Variants in ATAD1 observed in about 807,000 individuals in gnomAD.
The protein encoded by ATAD1 is outer mitochondrial transmembrane helix translocase.
Under a neutral mutation model 42.7 loss-of-function variants are expected in ATAD1, and 18 were observed. The ratio of observed to expected loss-of-function variants is 0.42; its 90% CI spans 0.29 to 0.63. The LOEUF is 0.63. ATAD1 is among the 20% of genes least tolerant of loss of function. The probability of loss-of-function intolerance (pLI) is 0.19; values close to 1 mark genes in which losing one functional copy is unlikely to be tolerated. For missense variants in ATAD1, 294 were observed against 440.4 expected, an observed-to-expected ratio of 0.67 and a Z score of 2.98; for synonymous variants, 132 against 143.1, an observed-to-expected ratio of 0.92 and a Z score of 0.55.
intron 2 of ATAD1, among the ~76,000 whole-genome samples, chr10:87,810,494 A>C (rs1381657164): frequency 6.6e-6 from 1 of 152,086 alleles, no homozygotes; most frequent in Non-Finnish European, 1.5e-5. Flanking sequence ...CTGTAGTTAT[A>C]TCATATTTTT....
chr10:87,772,033 C>T (rs1011028933), intron 6 of ATAD1, among the ~76,000 whole-genome samples: 1 of 152,116 alleles, frequency 6.6e-6, no homozygotes, highest in Non-Finnish European at 1.5e-5. Flanking sequence ...TCAGGAGCCT[C>T]AGAGCCCAAT....
At chr10:87,780,011 A>G (rs1855492466) in intron 5 of ATAD1, among the ~76,000 whole-genome samples, 1 of 152,214 alleles carries the variant, frequency 6.6e-6, no homozygotes, top group Non-Finnish European at 1.5e-5. Context: ...GTCCACAGGA[A>G]AACCTACACA....
intron 8 of ATAD1, among the ~76,000 whole-genome samples, chr10:87,765,934 A>G (rs946293045): frequency 2.0e-5 from 3 of 151,936 alleles, no homozygotes; most frequent in Non-Finnish European, 4.4e-5. Flanking sequence ...TCTGCTTGGG[A>G]GGGTGAGGCG....
Position 87,751,883 on chromosome 10 carries a change from A to G in ATAD1, c.*2804T>C, listed in dbSNP as rs1336655730. On this transcript the variant is annotated 3_prime_UTR_variant, in exon 10 of 10. Coordinates refer to ENST00000680024, the MANE Select transcript of ATAD1 (RefSeq NM_001321967.2). ...CATCCAATTTATTTTCTTTATCCAGAAGAAATCTGTTAACATTTTCCCAAA... is the reference window on the plus strand; with the variant it reads ...CATCCAATTTATTTTCTTTATCCAGGAGAAATCTGTTAACATTTTCCCAAA... 1.3e-5 allele frequency: 2 copies of G among 152,210 alleles called. No homozygotes were observed. The highest frequency in any genetic ancestry group is 2.4e-5 in the African/African-American group (1 of 41,452). The allele number at this position is 152,210 out of a possible 1,614,324, so 9.4% of individuals were successfully genotyped here. A position where few individuals can be genotyped will look rare whatever the true frequency, so the allele number is the denominator to read the frequency against.
At chr10:87,829,431 A>G (rs1446475259) in intron 1 of ATAD1, among the ~76,000 whole-genome samples, 1 of 151,468 alleles carries the variant, frequency 6.6e-6, no homozygotes, top group Non-Finnish European at 1.5e-5. Flanking sequence ...AATTTTTTGT[A>G]TTTTAGTAGA....
chr10:87,752,674 CAGA>C lies in ATAD1; in HGVS notation c.*2010_*2012del, dbSNP rs1317945915. ...CTATATGTGAAATGCATGTCTAAAA[CAGA>C]AGGATAGATGTTACATAACACTAAA... On this transcript the variant is annotated 3_prime_UTR_variant, in exon 10 of 10. Coordinates refer to ENST00000680024, the MANE Select transcript of ATAD1 (RefSeq NM_001321967.2). The C allele has an allele frequency of 6.6e-6, 1 of 152,064 alleles. No individual in the cohort carries two copies. Among genetic ancestry groups the C allele is most frequent in the Admixed American group, 6.6e-5 (1 of 15,256 alleles). The allele number at this position is 152,064 out of a possible 1,614,324, so 9.4% of individuals were successfully genotyped here. A position where few individuals can be genotyped will look rare whatever the true frequency, so the allele number is the denominator to read the frequency against.
At chr10:87,789,629 G>C (rs553497279) in intron 4 of ATAD1, among the ~76,000 whole-genome samples, 1 of 152,250 alleles carries the variant, frequency 6.6e-6, no homozygotes, top group Admixed American at 6.5e-5. Flanking sequence ...GGCTCAGGTG[G>C]GAGGATCACT....
At chr10:87,840,625 T>C (rs1858015173) in intron 1 of ATAD1, among the ~76,000 whole-genome samples, 1 of 152,246 alleles carries the variant, frequency 6.6e-6, no homozygotes, top group Non-Finnish European at 1.5e-5. Context: ...TATATTACTA[T>C]GTTTGATTTG....
In ATAD1 at chr10:87,814,500, T is replaced by G; in HGVS notation, c.100A>C (p.Ile34Leu). ...TCAATTGCATCTACCATCCATTTGA[T>G]AGTAAAGTATGTCACTGCACCAAAT... The part of the protein sequence containing the change: ...TIFGAVTYFT[I>L]KWMVDAIDPT... The change falls in exon 2 of 10, where the codon ATC becomes CTC. Residue 34 changes from isoleucine (I) to leucine (L), a missense_variant. Around this residue, in one of 3 missense-constraint regions of ATAD1, gnomAD observed 121 missense variants for 187.3 expected, o/e 0.65. Coordinates refer to ENST00000680024, the MANE Select transcript of ATAD1 (RefSeq NM_001321967.2). 3 of 1,609,962 alleles carry G rather than the reference T, an allele frequency of 1.9e-6. No individual in the cohort carries two copies. The highest frequency in any genetic ancestry group is 2.5e-6 in the Non-Finnish European group (3 of 1,178,094).
chr10:87,817,531 A>C (rs984722940), intron 1 of ATAD1, among the ~76,000 whole-genome samples: 6 of 152,242 alleles, frequency 3.9e-5, no homozygotes, highest in Admixed American at 1.3e-4. Flanking sequence ...TGACATGTAT[A>C]GCATTCATAG....
intron 8 of ATAD1, among the ~76,000 whole-genome samples, chr10:87,764,059 T>G (rs112593432): frequency 0.016 from 2,415 of 152,122 alleles, 29 homozygotes; most frequent in Middle Eastern, 0.027. Flanking sequence ...AAAACAGTAT[T>G]AATCCTAGTG....
intron 3 of ATAD1, 130 bp from the exon 4 acceptor site, chr10:87,790,560 TAAGTA>T: frequency 2.0e-6 from 2 of 983,022 alleles, no homozygotes; most frequent in East Asian, 3.0e-5. Context: ...TATATTAACA[TAAGTA>T]AAGACTTTTC....
intron 8 of ATAD1, among the ~76,000 whole-genome samples, chr10:87,759,238 G>A (rs1339146540): frequency 1.3e-5 from 2 of 151,892 alleles, no homozygotes; most frequent in Non-Finnish European, 2.9e-5. Context: ...ACATGCATTA[G>A]GTATCTGTTC....
chr10:87,789,121 T>C (rs1488263038), intron 4 of ATAD1, among the ~76,000 whole-genome samples: 1 of 152,240 alleles, frequency 6.6e-6, no homozygotes, highest in Non-Finnish European at 1.5e-5. Flanking sequence ...ATGCACTTTA[T>C]TGATATAGCT....
At chr10:87,817,797 G>C in intron 1 of ATAD1, 1 of 985,428 alleles carries the variant, frequency 1.0e-6, no homozygotes, top group Non-Finnish European at 1.2e-6. Flanking sequence ...AATCAGACCT[G>C]GTTCATTCCA....
intron 2 of ATAD1, among the ~76,000 whole-genome samples, chr10:87,804,387 T>C (rs1856833207): frequency 6.6e-6 from 1 of 152,202 alleles, no homozygotes; most frequent in South Asian, 2.1e-4. Flanking sequence ...ATTATTATTT[T>C]GAGACAGGGT....
At chr10:87,822,218 C>A (rs1871055), upstream of ATAD1, among the ~76,000 whole-genome samples, 31,928 of 152,144 alleles carry the variant, frequency 0.21, 3,812 homozygotes, top group South Asian at 0.43. Context: ...GTATAATTCA[C>A]TTGGTTACCT....
intron 7 of ATAD1, among the ~76,000 whole-genome samples, chr10:87,768,399 T>C (rs1372603649): frequency 6.6e-6 from 1 of 152,222 alleles, no homozygotes; most frequent in Non-Finnish European, 1.5e-5. Flanking sequence ...TTACAATGAC[T>C]ACCAAATCAA....
intron 2 of ATAD1, among the ~76,000 whole-genome samples, chr10:87,808,102 G>A (rs987760542): frequency 1.3e-5 from 2 of 151,870 alleles, no homozygotes; most frequent in African/African-American, 4.8e-5. Flanking sequence ...GCTGATTTTC[G>A]TATACTGATT....
Sources: allele counts gnomAD v4.1 joint callset (sites outside exome capture counted in the v4.1 genomes callset), GRCh38; gene constraint gnomAD v4.1.1; regional missense constraint gnomAD v4.1.1; transcripts MANE v1.5; gene names NCBI Gene and HGNC (gene_info 2026-07-23, HGNC 2026-07-21).